The following APOL6 variants were observed in gnomAD, a reference collection of about 807,000 sequenced individuals.
APOL6 encodes the protein apolipoprotein L, 6.
A neutral mutation model predicts 2.4 loss-of-function variants in APOL6; 1 was observed. The observed-to-expected ratio is 0.41, with a 90% CI of 0.15 to 1.94. The LOEUF (loss-of-function observed/expected upper bound fraction) is 1.94, where lower values mean the gene tolerates loss of function less well. APOL6 is among the 30% of genes most tolerant of loss of function. APOL6 has a pLI of 0.30. For missense variants in APOL6, 438 were observed against 429.2 expected, an observed-to-expected ratio of 1.02 and a Z score of -0.18; for synonymous variants, 189 against 169.3, an observed-to-expected ratio of 1.12 and a Z score of -0.90.
Position 35,656,420 on chromosome 22 carries a change from A to T in APOL6, c.-6A>T. The T allele has an allele frequency of 6.2e-7, 1 of 1,614,114 alleles. No homozygotes were observed. Among genetic ancestry groups the T allele is most frequent in the Non-Finnish European group, 8.5e-7 (1 of 1,179,964 alleles). On this transcript the variant is annotated 5_prime_UTR_variant, in exon 2 of 3. Transcript: ENST00000409652. ...TGGGGACACAGATTTGCTGCCACAG[A>T]GGCTGATGGACAACCAGGCGGAGAG...
rs1379947607 is a variant in APOL6, at chr22:35,661,601, C to T, written c.*2005C>T. ...CTGAATACTATAGGCAATTGCAGCA[C>T]AATGGGAAATATTTGTGTATCTAAA... On this transcript the variant is annotated 3_prime_UTR_variant, in exon 3 of 3. Coordinates refer to ENST00000409652, the MANE Select transcript of APOL6 (RefSeq NM_030641.4). The T allele has an allele frequency of 6.6e-6, 1 of 152,024 alleles. No individual in the cohort carries two copies. Among genetic ancestry groups the T allele is most frequent in the Non-Finnish European group, 1.5e-5 (1 of 68,026 alleles). 9.4% of individuals were successfully genotyped at this position (152,024 alleles called of 1,614,324 possible). A position where few individuals can be genotyped will look rare whatever the true frequency, so the allele number is the denominator to read the frequency against.
intron 1 of APOL6, among the ~76,000 whole-genome samples, chr22:35,649,241 G>A (rs988706988): frequency 3.9e-5 from 6 of 152,098 alleles, no homozygotes; most frequent in Admixed American, 1.3e-4. Context: ...TTTGAGACCA[G>A]CATGGGCAAC....
At position 35,659,829 on chromosome 22, in the gene APOL6, A is replaced by ACG; in HGVS notation, c.*233_*234insCG. On this transcript the variant is annotated 3_prime_UTR_variant, in exon 3 of 3. Transcript: ENST00000409652. ...TGCCCAGGCTGGAGTGCAGTGGCGT[A>ACG]ATCTCGGCTCACTGCAACCTCTGCC... 1 of 623,174 alleles carries ACG rather than the reference A, an allele frequency of 1.6e-6. No homozygotes were observed. The highest frequency in any genetic ancestry group is 2.6e-5 in the South Asian group (1 of 39,098). 38.6% of individuals were successfully genotyped at this position (623,174 alleles called of 1,614,324 possible). A position where few individuals can be genotyped will look rare whatever the true frequency, so the allele number is the denominator to read the frequency against.
rs376572256 is a variant in APOL6 at position 35,667,987 on chromosome 22, C to A, written c.*8391C>A. ...GAAGTGGGAGTCGAACATGCCTCAT[C>A]ATACCCTCCAGCATTAACATCAACA... On this transcript the variant is annotated 3_prime_UTR_variant, in exon 3 of 3. Transcript: ENST00000409652. 1 of 152,208 alleles carries A rather than the reference C, an allele frequency of 6.6e-6. No homozygotes were observed. Among genetic ancestry groups the A allele is most frequent in the Non-Finnish European group, 1.5e-5 (1 of 68,050 alleles). 9.4% of individuals were successfully genotyped at this position (152,208 alleles called of 1,614,324 possible). A position where few individuals can be genotyped will look rare whatever the true frequency, so the allele number is the denominator to read the frequency against.
rs1242499285 is a variant in APOL6, at chr22:35,663,255, G to A, written c.*3659G>A. 1.3e-5 allele frequency: 2 copies of A among 152,118 alleles called. No homozygotes were observed. The highest frequency in any genetic ancestry group is 2.9e-5 in the Non-Finnish European group (2 of 68,016). 9.4% of individuals were successfully genotyped at this position (152,118 alleles called of 1,614,324 possible). ...ATAGGGGCTTTATTTACATAACACA[G>A]CCAGCTTTTTGCTAGCCAGACCAAA... On this transcript the variant is annotated 3_prime_UTR_variant, in exon 3 of 3. Coordinates refer to ENST00000409652, the MANE Select transcript of APOL6 (RefSeq NM_030641.4).
intron 1 of APOL6, among the ~76,000 whole-genome samples, chr22:35,654,668 T>C (rs527698513): frequency 6.6e-6 from 1 of 152,186 alleles, no homozygotes; most frequent in South Asian, 2.1e-4. Flanking sequence ...TTCTTGGGAA[T>C]ACAATTTGTA....
chr22:35,660,461 G>T lies in APOL6; in HGVS notation c.*865G>T, dbSNP rs1180687706. On this transcript the variant is annotated 3_prime_UTR_variant, in exon 3 of 3. Transcript: ENST00000409652. The stretch of plus-strand genomic sequence containing the variant: ...GAAACAATAAATTTCTGTGGTGTAA[G>T]CAACTCAATCTATAGTAGTTTGTTA... 1 of 152,262 alleles carries T rather than the reference G, an allele frequency of 6.6e-6. No homozygotes were observed. The highest frequency in any genetic ancestry group is 1.5e-5 in the Non-Finnish European group (1 of 68,046). 9.4% of individuals were successfully genotyped at this position (152,262 alleles called of 1,614,324 possible). A position where few individuals can be genotyped will look rare whatever the true frequency, so the allele number is the denominator to read the frequency against.
chr22:35,659,986 C>T lies in APOL6; in HGVS notation c.*390C>T, dbSNP rs751935777. ...TTCACCATTTTGGCCAGGCTGGTCT[C>T]GAATTCCTGACCTCAAGTGATCCAC... On this transcript the variant is annotated 3_prime_UTR_variant, in exon 3 of 3. Coordinates refer to ENST00000409652, the MANE Select transcript of APOL6 (RefSeq NM_030641.4). 5 of 179,432 alleles carry T rather than the reference C, an allele frequency of 2.8e-5. No individual in the cohort carries two copies. The highest frequency in any genetic ancestry group is 6.0e-5 in the Non-Finnish European group (5 of 83,094). 11.1% of individuals were successfully genotyped at this position (179,432 alleles called of 1,614,324 possible).
chr22:35,660,305 G>T lies in APOL6; in HGVS notation c.*709G>T, dbSNP rs1018373370. On this transcript the variant is annotated 3_prime_UTR_variant, in exon 3 of 3. Coordinates refer to ENST00000409652, the MANE Select transcript of APOL6 (RefSeq NM_030641.4). Reference sequence around the variant, plus strand: ...ACAAGAGGGCCTCCCCACCCCTGCTGCACACCTACACTGAAGGAAGGCTAT... The same window carrying T: ...ACAAGAGGGCCTCCCCACCCCTGCTTCACACCTACACTGAAGGAAGGCTAT... 2.6e-5 allele frequency: 4 copies of T among 152,400 alleles called. No individual in the cohort carries two copies. The highest frequency in any genetic ancestry group is 5.9e-5 in the Non-Finnish European group (4 of 68,208). 9.4% of individuals were successfully genotyped at this position (152,400 alleles called of 1,614,324 possible).
intron 2 of APOL6, 52 bp from the exon 3 acceptor site, chr22:35,658,563 G>A: frequency 6.7e-7 from 1 of 1,485,012 alleles, no homozygotes; most frequent in Non-Finnish European, 9.1e-7. Flanking sequence ...GAGCCACATG[G>A]GTTTTCCCAT....
chr22:35,655,762 G>C (rs887708108), intron 1 of APOL6, among the ~76,000 whole-genome samples: 1 of 151,824 alleles, frequency 6.6e-6, no homozygotes, highest in African/African-American at 2.4e-5. Context: ...AAGCAGAAGC[G>C]TATTAACATG....
In APOL6 at chr22:35,656,453, GA is replaced by G; in HGVS notation, c.29del (p.Glu10GlyfsTer34). On this transcript the variant is annotated frameshift_variant, in exon 2 of 3. Transcript: ENST00000409652. LOFTEE classifies it low-confidence loss of function (END_TRUNC). ...GGACAACCAGGCGGAGAGAGAAAGT[GA>G]GGCTGGTGTTGGTTTGCAAAGGTAA... is the stretch of plus-strand genomic sequence containing the variant. MDNQAERES[E>X]AGVGLQRDED... 6.2e-7 allele frequency: 1 copy of G among 1,614,122 alleles called. No homozygotes were observed. The highest frequency in any genetic ancestry group is 8.5e-7 in the Non-Finnish European group (1 of 1,179,992).
rs143314363 is a variant in APOL6, at chr22:35,659,273, G to A, written c.709G>A (p.Gly237Arg). Residue 237 changes from glycine (G) to arginine (R), a missense_variant, in exon 3 of 3, where the codon GGA becomes AGA. Coordinates refer to ENST00000409652, the MANE Select transcript of APOL6 (RefSeq NM_030641.4). ...LAMTKNARVL[G>R]GVMSAFSLGY... ...GATGACCAAAAATGCTCGCGTGCTGGGAGGTGTGATGTCCGCCTTCTCCCT... is the reference window on the plus strand; with the variant it reads ...GATGACCAAAAATGCTCGCGTGCTGAGAGGTGTGATGTCCGCCTTCTCCCT... 125 of 1,614,056 alleles carry A rather than the reference G, an allele frequency of 7.7e-5. No individual in the cohort carries two copies. The highest frequency in any genetic ancestry group is 9.3e-5 in the Non-Finnish European group (110 of 1,180,028).
At position 35,659,437 on chromosome 22, in the gene APOL6, C is replaced by G; in HGVS notation, c.873C>G (p.Ser291Arg). 1 of 1,613,864 alleles carries G rather than the reference C, an allele frequency of 6.2e-7. No homozygotes were observed. The highest frequency in any genetic ancestry group is 2.2e-5 in the East Asian group (1 of 44,842). ...CAGAACTCACCCAGCTCTACAAGAGCTTGCAGCAGAAAGTGAGGTCAAGGG... is the reference window on the plus strand; with the variant it reads ...CAGAACTCACCCAGCTCTACAAGAGGTTGCAGCAGAAAGTGAGGTCAAGGG... ...KLTELTQLYK[S>R]LQQKVRSRAR... The change falls in exon 3 of 3, where the codon AGC becomes AGG. Residue 291 changes from serine to arginine, a missense_variant. Ser to Arg is a moderately radical substitution (Grantham distance 110). Coordinates refer to ENST00000409652, the MANE Select transcript of APOL6 (RefSeq NM_030641.4).
At chr22:35,653,531 G>GGTTTGTCAT (rs1331048724) in intron 1 of APOL6, among the ~76,000 whole-genome samples, 1 of 152,134 alleles carries the variant, frequency 6.6e-6, no homozygotes, top group East Asian at 1.9e-4. Flanking sequence ...ATTGGCTGTG[G>GGTTTGTCAT]GTTTGTCATA....
At position 35,666,732 on chromosome 22, in the gene APOL6, C is replaced by A. The variant is rs1925195159; in HGVS notation, c.*7136C>A. On this transcript the variant is annotated 3_prime_UTR_variant, in exon 3 of 3. Coordinates refer to ENST00000409652, the MANE Select transcript of APOL6 (RefSeq NM_030641.4). ...AGCTAAAATGTTCATGAGTATCAAGCAGAACAGGAATTAACTGCATAGACT... is the reference window on the plus strand; with the variant it reads ...AGCTAAAATGTTCATGAGTATCAAGAAGAACAGGAATTAACTGCATAGACT... The A allele has an allele frequency of 6.6e-6, 1 of 152,114 alleles. No individual in the cohort carries two copies. Among genetic ancestry groups the A allele is most frequent in the South Asian group, 2.1e-4 (1 of 4,828 alleles). 9.4% of individuals were successfully genotyped at this position (152,114 alleles called of 1,614,324 possible). A position where few individuals can be genotyped will look rare whatever the true frequency, so the allele number is the denominator to read the frequency against.
intron 1 of APOL6, among the ~76,000 whole-genome samples, chr22:35,650,759 A>G (rs1192132569): frequency 1.3e-5 from 2 of 151,934 alleles, no homozygotes; most frequent in Admixed American, 1.3e-4. Context: ...GTGAAACCCC[A>G]TCTCTACTAA....
At position 35,656,421 on chromosome 22, in the gene APOL6, G is replaced by A. The variant is rs753303937; in HGVS notation, c.-5G>A. 3.8e-5 allele frequency: 61 copies of A among 1,613,950 alleles called. No individual in the cohort carries two copies. Among genetic ancestry groups the A allele is most frequent in the Non-Finnish European group, 4.7e-5 (56 of 1,179,974 alleles). On this transcript the variant is annotated 5_prime_UTR_variant, in exon 2 of 3. Transcript: ENST00000409652. ...GGGGACACAGATTTGCTGCCACAGA[G>A]GCTGATGGACAACCAGGCGGAGAGA...
intron 1 of APOL6, among the ~76,000 whole-genome samples, chr22:35,653,543 A>T (rs1924756156): frequency 6.6e-6 from 1 of 152,128 alleles, no homozygotes; most frequent in Non-Finnish European, 1.5e-5. Flanking sequence ...TTTGTCATAG[A>T]TAGCTCTTAT....
Sources: gnomAD v4.1 joint callset for allele counts (sites outside exome capture counted in the v4.1 genomes callset) on GRCh38, gnomAD v4.1.1 for gene constraint, MANE v1.5 for transcripts, NCBI Gene and HGNC (gene_info 2026-07-23, HGNC 2026-07-21) for gene names.